PTAFR: variants seen among roughly 807,000 people sequenced by gnomAD.
The protein encoded by PTAFR is platelet activating factor receptor.
PTAFR carries 8 observed loss-of-function variants against 14.7 expected under a neutral mutation model. That is an observed-to-expected ratio of 0.54 (90% CI 0.32 to 0.98). The LOEUF is 0.98. Ranked by LOEUF, PTAFR falls within the 50% of genes least tolerant of loss-of-function variation. The pLI, the probability that PTAFR is intolerant of heterozygous loss-of-function variation, is 0.04. For missense variants in PTAFR, 337 were observed against 451.2 expected (o/e 0.75, Z 2.29); for synonymous variants, 156 against 176.5 (o/e 0.88, Z 0.92).
At position 28,150,072 on chromosome 1, in the gene PTAFR, C is replaced by T; in HGVS notation, c.950G>A (p.Cys317Tyr). The stretch of plus-strand genomic sequence containing the variant: ...GACCGTATCCGTGGTGGCCCGGGAG[C>T]ATTTCCGGCTACTGCGCATGCTGTA... The part of the protein sequence containing the change: ...KFYSMRSSRK[C>Y]SRATTDTVTE... Residue 317 changes from cysteine (C) to tyrosine (Y), a missense_variant, in exon 2 of 2, where the codon TGC (cysteine) becomes TAC (tyrosine). Coordinates refer to ENST00000373857, the MANE Select transcript of PTAFR (RefSeq NM_000952.5). This position sits in a 1 kb window ranked among gnomAD's most constrained non-coding sequence, Gnocchi z 6.3. 6.2e-7 allele frequency: 1 copy of T among 1,614,176 alleles called. No individual in the cohort carries two copies. The highest frequency in any genetic ancestry group is 8.5e-7 in the Non-Finnish European group (1 of 1,180,034).
intron 1 of PTAFR, among the ~76,000 whole-genome samples, chr1:28,171,538 C>G (rs77616065): frequency 6.6e-6 from 1 of 152,122 alleles, no homozygotes; most frequent in Non-Finnish European, 1.5e-5. Context: ...CTCCAAGATG[C>G]AGAAGGATTT....
chr1:28,171,373 G>A (rs1646452668), intron 1 of PTAFR, among the ~76,000 whole-genome samples: 1 of 151,522 alleles, frequency 6.6e-6, no homozygotes, highest in Non-Finnish European at 1.5e-5. Context: ...GTTGAAGACA[G>A]ACAACCTCTA....
In PTAFR at chr1:28,150,898, G is replaced by A. The variant is rs1646178376; in HGVS notation, c.124C>T (p.Arg42Cys). ...ANGYVLWVFA[R>C]LYPCKKFNEI... ...TTGAATTTCTTGCAAGGGTACAGGC[G>A]GGCAAAGACCCACAGCACGTAGCCA... Residue 42 changes from arginine to cysteine, a missense_variant, in exon 2 of 2, where the codon CGC becomes TGC. Arg to Cys is a radical substitution (Grantham distance 180, BLOSUM62 -3). Coordinates refer to ENST00000373857, the MANE Select transcript of PTAFR (RefSeq NM_000952.5). This position sits in a 1 kb window ranked among gnomAD's most constrained non-coding sequence, Gnocchi z 6.3. The A allele has an allele frequency of 6.2e-7, 1 of 1,614,058 alleles. No individual in the cohort carries two copies. Among genetic ancestry groups the A allele is most frequent in the Non-Finnish European group, 8.5e-7 (1 of 1,180,016 alleles).
At chr1:28,154,833 T>TG (rs34844059) in intron 1 of PTAFR, among the ~76,000 whole-genome samples, 552 of 31,980 alleles carry the variant, frequency 0.017, 8 homozygotes, top group Middle Eastern at 0.062. Context: ...AAAAAAAAAG[T>TG]GGGGGGGGAG....
At chr1:28,169,819 G>A (rs1396193972) in intron 1 of PTAFR, among the ~76,000 whole-genome samples, 2 of 152,078 alleles carry the variant, frequency 1.3e-5, no homozygotes, top group African/African-American at 4.8e-5. Context: ...AGCCAACATG[G>A]TGAAACCCTA....
intron 1 of PTAFR, among the ~76,000 whole-genome samples, chr1:28,156,680 A>C (rs991159951): frequency 9.9e-5 from 15 of 152,200 alleles, no homozygotes; most frequent in African/African-American, 3.6e-4. Context: ...ATCTTTAAGG[A>C]TATAAAAGGA....
rs576133726 is a variant in PTAFR, at chr1:28,167,381, A to C, written c.-39+9211T>G. 2.6e-5 allele frequency among the ~76,000 whole-genome samples: 4 copies of C among 152,336 alleles called. No individual in the cohort carries two copies. In the East Asian group the frequency reaches 7.7e-4, roughly 29 times the overall value. On this transcript the variant is annotated intron_variant, in intron 1 of 1. Coordinates refer to ENST00000373857, the MANE Select transcript of PTAFR (RefSeq NM_000952.5). ...ATGGCTCAATATCACTGATCATCAG[A>C]GAAATGCAAATTGAAACCATAATGC...
chr1:28,157,635 T>A (rs552237677), intron 1 of PTAFR, among the ~76,000 whole-genome samples: 49 of 151,164 alleles, frequency 3.2e-4, no homozygotes, highest in Non-Finnish European at 6.5e-4. Context: ...TTTTGATTTT[T>A]TTTTTTTTTT....
rs571456612 is a variant in PTAFR, at chr1:28,148,479, T to G, written c.*1514A>C. ...GCCTGGACAGCTCCAATTTTGCCTTTTTTGTTTGTTTGTTTGTTTTTGACA... is the reference window on the plus strand; with the variant it reads ...GCCTGGACAGCTCCAATTTTGCCTTGTTTGTTTGTTTGTTTGTTTTTGACA... On this transcript the variant is annotated 3_prime_UTR_variant, in exon 2 of 2. Transcript: ENST00000373857. The G allele has an allele frequency of 6.5e-5, 10 of 152,918 alleles. No homozygotes were observed. The highest frequency in any genetic ancestry group is 1.9e-4 in the African/African-American group (8 of 41,558). 9.5% of individuals were successfully genotyped at this position (152,918 alleles called of 1,614,324 possible).
chr1:28,175,918 G>A (rs558397313), intron 1 of PTAFR, among the ~76,000 whole-genome samples: 1 of 151,998 alleles, frequency 6.6e-6, no homozygotes, highest in Non-Finnish European at 1.5e-5. Context: ...GGCTCCCTGA[G>A]ATCCAAGCTG....
chr1:28,155,107 G>A (rs544987333), intron 1 of PTAFR, among the ~76,000 whole-genome samples: 4 of 152,088 alleles, frequency 2.6e-5, no homozygotes, highest in African/African-American at 4.8e-5. Context: ...CTTCCCAGGC[G>A]GACCTTCAAA....
intron 1 of PTAFR, among the ~76,000 whole-genome samples, chr1:28,190,499 G>A (rs549428162): frequency 2.0e-4 from 31 of 152,170 alleles, no homozygotes; most frequent in Admixed American, 9.2e-4. Flanking sequence ...TATTCTATAA[G>A]ATAAATACAT....
At chr1:28,187,544 C>T (rs756204411) in intron 1 of PTAFR, among the ~76,000 whole-genome samples, 4 of 152,150 alleles carry the variant, frequency 2.6e-5, no homozygotes, top group Admixed American at 6.5e-5. Flanking sequence ...TCTCGCTCGT[C>T]ACCCAAGCTG....
At chr1:28,180,957 G>T (rs527843686), upstream of PTAFR, among the ~76,000 whole-genome samples, 14 of 152,166 alleles carry the variant, frequency 9.2e-5, no homozygotes, top group East Asian at 1.9e-3. Flanking sequence ...TTATTTTATT[G>T]ATTGATTGAT....
chr1:28,166,793 G>A (rs1030688354), intron 1 of PTAFR, among the ~76,000 whole-genome samples: 3 of 152,016 alleles, frequency 2.0e-5, no homozygotes, highest in Admixed American at 6.6e-5. Flanking sequence ...CCTGGGCAAC[G>A]TAGCAAGATC....
chr1:28,176,827 C>G (rs41310783), upstream of PTAFR: 1 of 153,080 alleles, frequency 6.5e-6, no homozygotes, highest in African/African-American at 2.4e-5. Context: ...TCTCAAAGAG[C>G]GAGGGATGGG....
intron 1 of PTAFR, among the ~76,000 whole-genome samples, chr1:28,167,179 G>A (rs1646394858): frequency 1.3e-5 from 2 of 152,134 alleles, no homozygotes; most frequent in South Asian, 2.1e-4. Context: ...GCAACCTGTG[G>A]ATGGGAGAAA....
At chr1:28,154,549 C>A (rs534527233) in intron 1 of PTAFR, among the ~76,000 whole-genome samples, 2 of 152,076 alleles carry the variant, frequency 1.3e-5, no homozygotes, top group Non-Finnish European at 2.9e-5. Context: ...TGGTGGCTCA[C>A]GCCTGTAATC....
chr1:28,187,567 G>A (rs907577949), intron 1 of PTAFR, among the ~76,000 whole-genome samples: 6 of 152,102 alleles, frequency 3.9e-5, no homozygotes, highest in Admixed American at 3.3e-4. Context: ...GTGAAGTGGT[G>A]CAGTCTTGGC....
Sources: allele counts gnomAD v4.1 joint callset (sites outside exome capture counted in the v4.1 genomes callset), GRCh38; gene constraint gnomAD v4.1.1; non-coding constraint Gnocchi (gnomAD v3.1); transcripts MANE v1.5; gene names NCBI Gene and HGNC (gene_info 2026-07-23, HGNC 2026-07-21).